Variants in SYTL2 observed in about 807,000 individuals in gnomAD.
SYTL2 encodes synaptotagmin-like protein 2.
SYTL2 carries 165 observed loss-of-function variants against 198.7 expected under a neutral mutation model. The observed-to-expected ratio is 0.83, with a 90% CI of 0.73 to 0.94. SYTL2 has a LOEUF of 0.94. Among genes scored for constraint, SYTL2 ranks in the 40% least tolerant of loss-of-function variants. SYTL2 has a pLI of 0.00. For missense variants in SYTL2, 2,835 were observed against 2,582.8 expected, an observed-to-expected ratio of 1.10 and a Z score of -2.12; for synonymous variants, 966 against 917.7, an observed-to-expected ratio of 1.05 and a Z score of -0.95.
the SYTL2 span, among the ~76,000 whole-genome samples, chr11:85,835,184 G>C: frequency 1.3e-5 from 2 of 152,096 alleles, no homozygotes; most frequent in Admixed American, 1.3e-4. Flanking sequence ...ATTAAGATAA[G>C]GGTCTAATTT....
the SYTL2 span, among the ~76,000 whole-genome samples, chr11:85,832,154 G>A: frequency 6.6e-6 from 1 of 152,062 alleles, no homozygotes; most frequent in South Asian, 2.1e-4. Context: ...AGGCATATCT[G>A]GCAAACAATA....
At chr11:85,844,407 A>G in the SYTL2 span, among the ~76,000 whole-genome samples, 1 of 152,222 alleles carries the variant, frequency 6.6e-6, no homozygotes, top group Non-Finnish European at 1.5e-5. Flanking sequence ...CATATTCCTG[A>G]AAATGTCATT....
At chr11:85,788,637 T>C (rs1397427971) in intron 1 of SYTL2, among the ~76,000 whole-genome samples, 1 of 152,136 alleles carries the variant, frequency 6.6e-6, no homozygotes, top group South Asian at 2.1e-4. Flanking sequence ...AAGGCATCCA[T>C]TACATCATAG....
intron 1 of SYTL2, among the ~76,000 whole-genome samples, chr11:85,778,205 T>G (rs947743449): frequency 6.6e-6 from 1 of 152,182 alleles, no homozygotes; most frequent in African/African-American, 2.4e-5. Flanking sequence ...CACCAAGGGT[T>G]CTGAGATGAA....
At position 85,757,836 on chromosome 11, in the gene SYTL2, T is replaced by C; in HGVS notation, c.-111A>G. On this transcript the variant is annotated 5_prime_UTR_variant, in exon 2 of 20. Coordinates refer to ENST00000359152, the MANE Select transcript of SYTL2 (RefSeq NM_206927.4). ...TAAAACACACAAAAATGAAATATCT[T>C]GTTCAGTTCTGCATCAAAGTCTTAT... 1 of 1,494,186 alleles carries C rather than the reference T, an allele frequency of 6.7e-7. No individual in the cohort carries two copies. The highest frequency in any genetic ancestry group is 2.3e-5 in the East Asian group (1 of 43,732). The allele number at this position is 1,494,186 out of a possible 1,614,324, so 92.6% of individuals were successfully genotyped here. A position where few individuals can be genotyped will look rare whatever the true frequency, so the allele number is the denominator to read the frequency against.
intron 9 of SYTL2, among the ~76,000 whole-genome samples, chr11:85,719,595 T>C (rs541677404): frequency 6.6e-6 from 1 of 152,188 alleles, no homozygotes; most frequent in Admixed American, 6.5e-5. Context: ...TCGACTCGCC[T>C]TCTCTGGAAG....
chr11:85,706,355 C>G (rs1253456807), intron 15 of SYTL2, among the ~76,000 whole-genome samples: 1 of 152,168 alleles, frequency 6.6e-6, no homozygotes, highest in East Asian at 1.9e-4. Context: ...CAAGTTGGTC[C>G]CTACCCTCAT....
chr11:85,818,129 G>A, the SYTL2 span, among the ~76,000 whole-genome samples: 1 of 151,796 alleles, frequency 6.6e-6, no homozygotes, highest in African/African-American at 2.4e-5. Flanking sequence ...TCTTGAACTC[G>A]TGACCTCAAG....
intron 1 of SYTL2, among the ~76,000 whole-genome samples, chr11:85,799,756 C>T (rs2092857158): frequency 6.6e-6 from 1 of 152,204 alleles, no homozygotes; most frequent in Non-Finnish European, 1.5e-5. Context: ...CACCCCACCT[C>T]CTTCCTCTGT....
chr11:85,719,380 T>C, intron 9 of SYTL2: 1 of 1,060,366 alleles, frequency 9.4e-7, no homozygotes, highest in Non-Finnish European at 1.2e-6. Context: ...CGTGCAGGAA[T>C]ACCCGTCAGC....
chr11:85,847,368 A>G, the SYTL2 span, among the ~76,000 whole-genome samples: 1 of 152,144 alleles, frequency 6.6e-6, no homozygotes, highest in African/African-American at 2.4e-5. Flanking sequence ...GCATGTATCA[A>G]TAGTTATTCC....
chr11:85,727,899 G>A lies in SYTL2; in HGVS notation c.1459C>T (p.Gln487Ter). ...GCCGGGAGAGGAGGGGGCTTACCTT[G>A]CTGACGGTCTCTAGAACTGCCACCT... ...VPGGSSRDRQ[Q>*]GKPPPLPALK... Residue 487 changes from glutamine to a stop codon, truncating the protein, a stop_gained, in exon 8 of 20, where the codon CAA becomes TAA. Coordinates refer to ENST00000359152, the MANE Select transcript of SYTL2 (RefSeq NM_206927.4). LOFTEE classifies it high-confidence loss of function. The A allele has an allele frequency of 2.5e-6, 4 of 1,613,876 alleles. No individual in the cohort carries two copies. In the South Asian group the frequency reaches 4.4e-5, roughly 18 times the overall value.
intron 4 of SYTL2, among the ~76,000 whole-genome samples, chr11:85,741,896 T>C (rs2090818055): frequency 6.6e-6 from 1 of 152,206 alleles, no homozygotes; most frequent in Admixed American, 6.5e-5. Context: ...CACAAAGACT[T>C]ACCAAATAGT....
chr11:85,831,316 G>A, the SYTL2 span, among the ~76,000 whole-genome samples: 3 of 152,166 alleles, frequency 2.0e-5, no homozygotes, highest in East Asian at 5.8e-4. Flanking sequence ...TTGAAATGTA[G>A]AAAGTTTGCT....
Position 85,737,583 on chromosome 11 carries a change from G to A in SYTL2, c.463C>T (p.Pro155Ser), listed in dbSNP as rs757738133. ...QENTRKPNVSPEKQRKNPFNS... is the reference protein window; with the variant it reads ...QENTRKPNVSSEKQRKNPFNS... ...ATCTGGGCTCAGTCTACCTTCTCTG[G>A]AGACACATTTGGTTTCCTTGTGTTT... Residue 155 changes from proline to serine, a missense_variant, in exon 5 of 20, where the codon CCA becomes TCA. Coordinates refer to ENST00000359152, the MANE Select transcript of SYTL2 (RefSeq NM_206927.4). 3 of 1,613,366 alleles carry A rather than the reference G, an allele frequency of 1.9e-6. No individual in the cohort carries two copies. The highest frequency in any genetic ancestry group is 2.5e-6 in the Non-Finnish European group (3 of 1,179,368).
intron 1 of SYTL2, among the ~76,000 whole-genome samples, chr11:85,778,611 C>CCTTG (rs1247051847): frequency 3.9e-5 from 6 of 152,230 alleles, no homozygotes; most frequent in Non-Finnish European, 7.3e-5. Context: ...GAAGACTTAT[C>CCTTG]CTTGAGCAAG....
At chr11:85,811,753 G>C (rs1354833788), upstream of SYTL2, among the ~76,000 whole-genome samples, 1 of 152,204 alleles carries the variant, frequency 6.6e-6, no homozygotes, top group Non-Finnish European at 1.5e-5. Flanking sequence ...CAGAGGACTG[G>C]TAAGCTCCTG....
At chr11:85,833,779 G>A in the SYTL2 span, among the ~76,000 whole-genome samples, 1 of 140,064 alleles carries the variant, frequency 7.1e-6, no homozygotes, top group Non-Finnish European at 1.5e-5. Flanking sequence ...CATCCAGGCT[G>A]TAGTGTTGTA....
chr11:85,837,963 C>G, the SYTL2 span, among the ~76,000 whole-genome samples: 46 of 152,306 alleles, frequency 3.0e-4, no homozygotes, highest in African/African-American at 1.1e-3. Context: ...CCTCTACCCA[C>G]TAATTATACT....
Sources: allele counts gnomAD v4.1 joint callset (sites outside exome capture counted in the v4.1 genomes callset), GRCh38; gene constraint gnomAD v4.1.1; transcripts MANE v1.5; gene names NCBI Gene and HGNC (gene_info 2026-07-23, HGNC 2026-07-21).